Variants in TMEM45B observed in about 807,000 individuals in gnomAD.
TMEM45B encodes transmembrane protein 45B.
In TMEM45B, 29 loss-of-function variants were observed where a neutral mutation model predicts 27.3. That is an observed-to-expected ratio of 1.06 (90% CI 0.79 to 1.45). The LOEUF is 1.45. Among genes scored for constraint, TMEM45B ranks in the 40% most tolerant of loss-of-function variants. The pLI is 0.00. For synonymous variants in TMEM45B, 143 were observed against 134.7 expected, an observed-to-expected ratio of 1.06 and a Z score of -0.43; for missense variants, 348 against 343.9, an observed-to-expected ratio of 1.01 and a Z score of -0.09.
chr11:129,835,981 G>T (rs1947614870), intron 1 of TMEM45B, among the ~76,000 whole-genome samples: 1 of 152,122 alleles, frequency 6.6e-6, no homozygotes, highest in African/African-American at 2.4e-5. Context: ...AGCCTTGCAT[G>T]GTGGCTCATG....
chr11:129,845,478 C>T (rs1456918974), intron 1 of TMEM45B, among the ~76,000 whole-genome samples: 1 of 151,878 alleles, frequency 6.6e-6, no homozygotes, highest in Non-Finnish European at 1.5e-5. Flanking sequence ...CTTCAAGATG[C>T]ATACTATAAT....
At chr11:129,816,865 G>C (rs1298688322) in intron 1 of TMEM45B, among the ~76,000 whole-genome samples, 1 of 149,388 alleles carries the variant, frequency 6.7e-6, no homozygotes, top group Non-Finnish European at 1.5e-5. Context: ...AGCCTCCCGA[G>C]TAGCTAGGAC....
chr11:129,846,107 CAT>C (rs947134590), intron 1 of TMEM45B, among the ~76,000 whole-genome samples: 4 of 152,142 alleles, frequency 2.6e-5, no homozygotes, highest in African/African-American at 9.7e-5. Context: ...GGAGGAAAAA[CAT>C]AGTGATCAGT....
intron 1 of TMEM45B, among the ~76,000 whole-genome samples, chr11:129,830,676 A>C (rs552712669): frequency 1.3e-5 from 2 of 152,214 alleles, no homozygotes; most frequent in Non-Finnish European, 2.9e-5. Context: ...TTGAGTAGGC[A>C]TTTCTCCATG....
intron 5 of TMEM45B, 105 bp downstream of exon 5, chr11:129,857,563 C>G: frequency 7.6e-7 from 1 of 1,318,182 alleles, no homozygotes. Context: ...AAATTCTGTG[C>G]AAGGTACTCT....
At chr11:129,827,355 T>C (rs1947497549) in intron 1 of TMEM45B, among the ~76,000 whole-genome samples, 1 of 152,232 alleles carries the variant, frequency 6.6e-6, no homozygotes, top group Admixed American at 6.5e-5. Flanking sequence ...GTATACGCAC[T>C]GTTAGCAGAT....
intron 1 of TMEM45B, among the ~76,000 whole-genome samples, chr11:129,818,055 G>A (rs900332868): frequency 1.3e-5 from 2 of 152,068 alleles, no homozygotes; most frequent in African/African-American, 2.4e-5. Flanking sequence ...CCCAGTATGA[G>A]ACCATACTGA....
chr11:129,856,027 A>C, intron 4 of TMEM45B, 135 bp downstream of exon 4: 1 of 1,032,272 alleles, frequency 9.7e-7, no homozygotes, highest in Non-Finnish European at 1.4e-6. Context: ...GGTTTAGATG[A>C]CCCTTTTCCC....
chr11:129,855,952 T>C, intron 4 of TMEM45B, 60 bp downstream of exon 4: 4 of 1,584,610 alleles, frequency 2.5e-6, no homozygotes, highest in Non-Finnish European at 3.4e-6. Flanking sequence ...ACCGAGCGCA[T>C]CCCAGAGAAA....
intron 1 of TMEM45B, among the ~76,000 whole-genome samples, chr11:129,848,182 T>C (rs1440829149): frequency 1.3e-5 from 2 of 151,262 alleles, no homozygotes; most frequent in East Asian, 3.9e-4. Context: ...GAGGTGGAGG[T>C]TGTAGCCGAG....
intron 2 of TMEM45B, 160 bp downstream of exon 2, chr11:129,852,820 G>C: frequency 1.5e-6 from 1 of 673,000 alleles, no homozygotes; most frequent in Non-Finnish European, 2.4e-6. Flanking sequence ...CATCCATTGT[G>C]TACAGAGCTT....
intron 1 of TMEM45B, among the ~76,000 whole-genome samples, chr11:129,834,950 A>G (rs187569642): frequency 1.1e-4 from 17 of 152,354 alleles, no homozygotes; most frequent in Non-Finnish European, 2.1e-4. Context: ...GGAACATGAT[A>G]TTAGAAACTA....
At chr11:129,819,508 G>A (rs1169102710) in intron 1 of TMEM45B, among the ~76,000 whole-genome samples, 1 of 151,546 alleles carries the variant, frequency 6.6e-6, no homozygotes, top group East Asian at 1.9e-4. Context: ...CTCCAGAAGA[G>A]TCTTGTCTTG....
chr11:129,836,041 C>A (rs1190936623), intron 1 of TMEM45B, among the ~76,000 whole-genome samples: 3 of 152,036 alleles, frequency 2.0e-5, no homozygotes, highest in African/African-American at 7.3e-5. Context: ...TCACTTGAAG[C>A]CAGGAGGCAG....
At chr11:129,843,184 G>A (rs894333729) in intron 1 of TMEM45B, among the ~76,000 whole-genome samples, 7 of 152,136 alleles carry the variant, frequency 4.6e-5, no homozygotes, top group East Asian at 3.9e-4. Context: ...CAGGTGATCC[G>A]CCTGCCTCAG....
chr11:129,853,316 A>G (rs1033508052), intron 2 of TMEM45B, among the ~76,000 whole-genome samples: 4 of 152,264 alleles, frequency 2.6e-5, no homozygotes, highest in African/African-American at 9.6e-5. Flanking sequence ...CCTCAGGACC[A>G]GCCCCACCTG....
intron 1 of TMEM45B, among the ~76,000 whole-genome samples, chr11:129,840,006 G>T (rs1947670493): frequency 6.6e-6 from 1 of 152,038 alleles, no homozygotes; most frequent in Non-Finnish European, 1.5e-5. Context: ...CCACAGCAGG[G>T]GCTTAGCCTA....
intron 1 of TMEM45B, among the ~76,000 whole-genome samples, chr11:129,848,194 T>C (rs1048845334): frequency 2.6e-5 from 4 of 151,950 alleles, no homozygotes; most frequent in African/African-American, 9.7e-5. Flanking sequence ...GTAGCCGAGA[T>C]CACGCCACTG....
At chr11:129,845,177 A>G (rs1473354125) in intron 1 of TMEM45B, among the ~76,000 whole-genome samples, 1 of 152,190 alleles carries the variant, frequency 6.6e-6, no homozygotes, top group African/African-American at 2.4e-5. Flanking sequence ...ATGTACATAT[A>G]TGTGTACACA....
Sources: gnomAD v4.1 joint callset for allele counts (sites outside exome capture counted in the v4.1 genomes callset) on GRCh38, gnomAD v4.1.1 for gene constraint, MANE v1.5 for transcripts, NCBI Gene and HGNC (gene_info 2026-07-23, HGNC 2026-07-21) for gene names.